The following LPP variants were observed in gnomAD, a reference collection of about 807,000 sequenced individuals.
LPP encodes the protein LIM domain containing preferred translocation partner in lipoma.
A neutral mutation model predicts 60.4 loss-of-function variants in LPP; 38 were observed. The observed-to-expected ratio is 0.63, with a 90% CI of 0.49 to 0.83. The LOEUF is 0.83. LPP is among the 40% of genes least tolerant of loss of function. LPP has a pLI of 0.00. For synonymous variants in LPP, 328 were observed against 290.8 expected (o/e 1.13, Z -1.30); for missense variants, 902 against 783.6 (o/e 1.15, Z -1.80).
intron 6 of LPP, among the ~76,000 whole-genome samples, chr3:188,563,014 A>G (rs145493596): frequency 4.4e-4 from 67 of 152,008 alleles, no homozygotes; most frequent in African/African-American, 1.4e-3. Flanking sequence ...TCATTATCAC[A>G]TCAAGTCTAG....
In LPP at chr3:188,365,776, C is replaced by T. The variant is rs185881045; in HGVS notation, c.-10+24057C>T. On this transcript the variant is annotated intron_variant, in intron 3 of 11. Transcript: ENST00000617246. ...TCCAGCTTTATCAGGATATAATTGACGAAACAAAAGTTATGTATAGTTAAG... is the reference window on the plus strand; with the variant it reads ...TCCAGCTTTATCAGGATATAATTGATGAAACAAAAGTTATGTATAGTTAAG... Among the ~76,000 whole-genome samples the T allele has an allele frequency of 1.4e-4, 21 of 150,250 alleles. 3 individuals carry two copies. Among genetic ancestry groups the T allele is most frequent in the East Asian group, 3.9e-4 (2 of 5,104 alleles).
Position 188,641,800 on chromosome 3 carries a change from T to C in LPP, c.1113+31956T>C, listed in dbSNP as rs369178895. Among the ~76,000 whole-genome samples, 5 of 152,324 alleles carry C rather than the reference T, an allele frequency of 3.3e-5. No homozygotes were observed. The East Asian group carries it at 5.8e-4, about 18-fold the overall frequency. The stretch of plus-strand genomic sequence containing the variant: ...GGACCAAGTATAGACACAACACTTC[T>C]GTTAATTCACATGGGGACTAGGCAG... On this transcript the variant is annotated intron_variant, in intron 7 of 11. Coordinates refer to ENST00000617246, the MANE Select transcript of LPP (RefSeq NM_001375462.1).
At chr3:188,731,516 T>TTTTTG (rs71298537) in intron 8 of LPP, among the ~76,000 whole-genome samples, 3,027 of 145,802 alleles carry the variant, frequency 0.021, 50 homozygotes, top group African/African-American at 0.045. Flanking sequence ...TTTTTTGTTT[T>TTTTTG]TTTTGTTTTG....
chr3:188,242,747 T>A (rs950676310), intron 2 of LPP, among the ~76,000 whole-genome samples: 3 of 152,186 alleles, frequency 2.0e-5, no homozygotes, highest in Admixed American at 2.0e-4. Flanking sequence ...TCATTAAACA[T>A]CTGATAATCA....
intron 2 of LPP, among the ~76,000 whole-genome samples, chr3:188,300,500 C>T (rs1749462638): frequency 6.9e-6 from 1 of 145,398 alleles, no homozygotes. Context: ...TTGAAGTATC[C>T]AGTTTTTTAA....
chr3:188,256,384 A>G (rs1003385053), intron 2 of LPP, among the ~76,000 whole-genome samples: 1 of 152,210 alleles, frequency 6.6e-6, no homozygotes, highest in Non-Finnish European at 1.5e-5. Flanking sequence ...TAAAAATATA[A>G]ATTGTAATCT....
At chr3:188,870,244 A>T (rs1273547830) in intron 10 of LPP, among the ~76,000 whole-genome samples, 1 of 152,216 alleles carries the variant, frequency 6.6e-6, no homozygotes, top group African/African-American at 2.4e-5. Context: ...ATATAAATTA[A>T]TAGAAATACT....
chr3:188,795,613 G>T (rs1745095573), intron 9 of LPP, among the ~76,000 whole-genome samples: 1 of 152,088 alleles, frequency 6.6e-6, no homozygotes, highest in Non-Finnish European at 1.5e-5. Flanking sequence ...AGAATGCTTG[G>T]AAATGTGGCC....
chr3:188,438,435 T>C (rs1792925711), intron 4 of LPP, among the ~76,000 whole-genome samples: 1 of 149,958 alleles, frequency 6.7e-6, no homozygotes, highest in Admixed American at 6.7e-5. Context: ...TATGAGGTAG[T>C]GCTATTATTA....
At chr3:188,657,099 G>T (rs1160237491) in intron 7 of LPP, among the ~76,000 whole-genome samples, 5 of 151,564 alleles carry the variant, frequency 3.3e-5, no homozygotes, top group Middle Eastern at 3.4e-3. Flanking sequence ...ACATTTTGCT[G>T]GTCTTTAGGT....
intron 2 of LPP, among the ~76,000 whole-genome samples, chr3:188,306,937 G>T (rs1025646862): frequency 6.6e-6 from 1 of 152,194 alleles, no homozygotes; most frequent in African/African-American, 2.4e-5. Flanking sequence ...AAAGCACGTT[G>T]TAAGTCCACA....
chr3:188,488,884 G>T (rs1404823052), intron 5 of LPP, among the ~76,000 whole-genome samples: 4 of 152,032 alleles, frequency 2.6e-5, no homozygotes, highest in Non-Finnish European at 2.9e-5. Context: ...TGATCCACCC[G>T]CCTTGGCCTC....
intron 9 of LPP, among the ~76,000 whole-genome samples, chr3:188,858,910 T>C (rs891118845): frequency 2.0e-5 from 3 of 151,814 alleles, no homozygotes; most frequent in African/African-American, 7.3e-5. Context: ...GCCAACATGG[T>C]GAAACCCTGT....
At chr3:188,189,198 C>T (rs1267780621) in intron 1 of LPP, among the ~76,000 whole-genome samples, 1 of 152,146 alleles carries the variant, frequency 6.6e-6, no homozygotes, top group Non-Finnish European at 1.5e-5. Flanking sequence ...TTTGTCTTCC[C>T]ACCTCAGCTT....
At chr3:188,418,697 G>A (rs1293537622) in intron 4 of LPP, among the ~76,000 whole-genome samples, 1 of 152,088 alleles carries the variant, frequency 6.6e-6, no homozygotes, top group Non-Finnish European at 1.5e-5. Flanking sequence ...TCAATCTCCT[G>A]TGCATGGATG....
At chr3:188,273,412 A>C (rs1246253866) in intron 2 of LPP, among the ~76,000 whole-genome samples, 3 of 152,134 alleles carry the variant, frequency 2.0e-5, no homozygotes, top group East Asian at 3.9e-4. Flanking sequence ...CAGGCTTTGT[A>C]GTAGATGCTG....
chr3:188,385,650 T>G (rs1778077671), intron 3 of LPP, among the ~76,000 whole-genome samples: 1 of 152,216 alleles, frequency 6.6e-6, no homozygotes, highest in Non-Finnish European at 1.5e-5. Context: ...AAGCAAGTGT[T>G]TAATCTAATT....
chr3:188,604,065 A>G (rs1841956466), intron 6 of LPP, among the ~76,000 whole-genome samples: 1 of 152,092 alleles, frequency 6.6e-6, no homozygotes, highest in Non-Finnish European at 1.5e-5. Context: ...CTTCTGTTAC[A>G]TTGGAAAATT....
At chr3:188,596,592 A>G (rs927353256) in intron 6 of LPP, among the ~76,000 whole-genome samples, 2 of 152,138 alleles carry the variant, frequency 1.3e-5, no homozygotes, top group African/African-American at 4.8e-5. Flanking sequence ...ATCATTATAA[A>G]ATGAGAGTGT....
Sources: gnomAD v4.1 joint callset for allele counts (sites outside exome capture counted in the v4.1 genomes callset) on GRCh38, gnomAD v4.1.1 for gene constraint, MANE v1.5 for transcripts, NCBI Gene and HGNC (gene_info 2026-07-23, HGNC 2026-07-21) for gene names.